RALGAPA2: variants seen among roughly 807,000 people sequenced by gnomAD.
RALGAPA2 encodes ral GTPase-activating protein subunit alpha-2.
RALGAPA2 carries 139 observed loss-of-function variants against 230.4 expected under a neutral mutation model. The ratio of observed to expected loss-of-function variants is 0.60; its 90% CI spans 0.53 to 0.69. The LOEUF (loss-of-function observed/expected upper bound fraction) is 0.69. RALGAPA2 is among the 30% of genes least tolerant of loss of function. The probability of loss-of-function intolerance (pLI) is 0.00; values close to 1 mark genes in which losing one functional copy is unlikely to be tolerated. For synonymous variants in RALGAPA2, 847 were observed against 837.8 expected (o/e 1.01, Z -0.19); for missense variants, 2,163 against 2,276.0 (o/e 0.95, Z 1.01).
rs1166306483 is a variant in RALGAPA2, at chr20:20,605,407, G to A, written c.1806C>T (p.Leu602=). The change falls in exon 15 of 40, where the codon CTC becomes CTT. Residue 602 remains leucine (L), a synonymous_variant. Coordinates refer to ENST00000202677, the MANE Select transcript of RALGAPA2 (RefSeq NM_020343.4). ...GGTTTGCTCGGATCCAAGCTACCAT[G>A]AGCGTCTAAAACCAACCAACCAACA... is the stretch of plus-strand genomic sequence containing the variant. The part of the protein sequence containing the change: ...QSLAGLLFRT[L]MVAWIRANLC... 1.2e-6 allele frequency: 2 copies of A among 1,612,566 alleles called. No homozygotes were observed. Among genetic ancestry groups the A allele is most frequent in the Admixed American group, 1.7e-5 (1 of 59,966 alleles).
intron 36 of RALGAPA2, among the ~76,000 whole-genome samples, chr20:20,492,113 T>C (rs974801637): frequency 6.6e-6 from 1 of 152,184 alleles, no homozygotes; most frequent in Non-Finnish European, 1.5e-5. Flanking sequence ...CCCTACATTA[T>C]TACATACGCT....
chr20:20,483,663 C>G (rs1299045665), intron 36 of RALGAPA2, among the ~76,000 whole-genome samples: 1 of 152,182 alleles, frequency 6.6e-6, no homozygotes, highest in African/African-American at 2.4e-5. Context: ...CCATGTGCAA[C>G]CCCCTAAATC....
intron 23 of RALGAPA2, among the ~76,000 whole-genome samples, chr20:20,557,702 A>G (rs2064126314): frequency 6.6e-6 from 1 of 152,234 alleles, no homozygotes; most frequent in Non-Finnish European, 1.5e-5. Flanking sequence ...AGTAGAAAAA[A>G]TAAGTACGGA....
intron 36 of RALGAPA2, among the ~76,000 whole-genome samples, chr20:20,484,376 C>T (rs2061853833): frequency 6.6e-6 from 1 of 152,108 alleles, no homozygotes; most frequent in Non-Finnish European, 1.5e-5. Flanking sequence ...TCCAGGAACA[C>T]ATAACTCCAT....
chr20:20,420,816 T>TA (rs148670892), intron 37 of RALGAPA2, among the ~76,000 whole-genome samples: 8 of 151,790 alleles, frequency 5.3e-5, no homozygotes, highest in Admixed American at 2.0e-4. Flanking sequence ...TTAAACCTAG[T>TA]AAAAAAAAGA....
At chr20:20,434,332 G>T (rs1385093459) in intron 37 of RALGAPA2, among the ~76,000 whole-genome samples, 2 of 152,066 alleles carry the variant, frequency 1.3e-5, no homozygotes, top group African/African-American at 4.8e-5. Context: ...CAGCAACGAG[G>T]CCTTGGATTT....
chr20:20,544,359 G>A (rs1389856131), intron 24 of RALGAPA2, among the ~76,000 whole-genome samples: 1 of 150,556 alleles, frequency 6.6e-6, no homozygotes, highest in East Asian at 1.9e-4. Context: ...AAAAAAGTCA[G>A]GAAACAACAG....
At chr20:20,563,915 A>G (rs1183740518) in intron 23 of RALGAPA2, among the ~76,000 whole-genome samples, 1 of 152,142 alleles carries the variant, frequency 6.6e-6, no homozygotes, top group Non-Finnish European at 1.5e-5. Flanking sequence ...ATAGACACAC[A>G]CACACACAAA....
chr20:20,450,190 T>C (rs1385239462), intron 37 of RALGAPA2, among the ~76,000 whole-genome samples: 1 of 152,158 alleles, frequency 6.6e-6, no homozygotes, highest in East Asian at 1.9e-4. Flanking sequence ...CTCAACTATT[T>C]CTCAAGGCAA....
chr20:20,454,588 A>G (rs1402486589), intron 37 of RALGAPA2, among the ~76,000 whole-genome samples: 2 of 152,250 alleles, frequency 1.3e-5, no homozygotes, highest in African/African-American at 4.8e-5. Flanking sequence ...GAAGCCAGGT[A>G]AAGAACTGAA....
rs774971166 is a variant in RALGAPA2 at position 20,512,737 on chromosome 20, T to C, written c.4632A>G (p.Glu1544=). ...TCATGCCACATGGGGTTAGGGAAGG[T>C]TCATTTAGATTTAGCTGTGACGGTA... The part of the protein sequence containing the change: ...CLLPSQLNLN[E]PSLTPCGMNY... Residue 1544 remains glutamate, a synonymous_variant, in exon 32 of 40, where the codon GAA becomes GAG. Transcript: ENST00000202677. 8 of 1,613,662 alleles carry C rather than the reference T, an allele frequency of 5.0e-6. No homozygotes were observed. In the African/African-American group the frequency reaches 8.0e-5, roughly 16 times the overall value.
At chr20:20,594,708 C>T (rs138197266) in intron 16 of RALGAPA2, among the ~76,000 whole-genome samples, 6 of 151,624 alleles carry the variant, frequency 4.0e-5, no homozygotes, top group African/African-American at 1.5e-4. Context: ...TACACAATAC[C>T]ATTACTAAAC....
intron 4 of RALGAPA2, among the ~76,000 whole-genome samples, chr20:20,645,883 G>A (rs550111673): frequency 2.6e-5 from 4 of 152,088 alleles, no homozygotes; most frequent in South Asian, 2.1e-4. Context: ...GAACAGTGCC[G>A]GGTATGTGGT....
intron 3 of RALGAPA2, among the ~76,000 whole-genome samples, chr20:20,654,500 T>C (rs2067518689): frequency 6.6e-6 from 1 of 152,238 alleles, no homozygotes. Flanking sequence ...CCATGCAGTA[T>C]CTTTCTGTGC....
At chr20:20,395,633 A>G (rs1312179680) in intron 39 of RALGAPA2, among the ~76,000 whole-genome samples, 2 of 151,992 alleles carry the variant, frequency 1.3e-5, no homozygotes, top group African/African-American at 2.4e-5. Flanking sequence ...GGCTGACACG[A>G]GTGAGCCCAG....
chr20:20,665,818 T>C (rs898656730), intron 3 of RALGAPA2, among the ~76,000 whole-genome samples: 1 of 152,146 alleles, frequency 6.6e-6, no homozygotes, highest in Non-Finnish European at 1.5e-5. Context: ...GTCCTATGTT[T>C]TATTATTTCC....
chr20:20,557,076 G>A (rs576551311), intron 23 of RALGAPA2, among the ~76,000 whole-genome samples: 41 of 152,262 alleles, frequency 2.7e-4, no homozygotes, highest in South Asian at 4.1e-4. Flanking sequence ...TTGGGAGGCC[G>A]AGGTGGGTGG....
intron 37 of RALGAPA2, among the ~76,000 whole-genome samples, chr20:20,432,590 C>T (rs1200829650): frequency 6.6e-6 from 1 of 152,142 alleles, no homozygotes; most frequent in African/African-American, 2.4e-5. Flanking sequence ...TTCCTTAGAA[C>T]ATCTTGATGT....
In RALGAPA2 at chr20:20,524,650, T is replaced by A. The variant is rs964337670; in HGVS notation, c.3763-107A>T. 15 of 1,447,510 alleles carry A rather than the reference T, an allele frequency of 1.0e-5. No individual in the cohort carries two copies. The African/African-American group carries it at 2.0e-4, about 19-fold the overall frequency. The allele number at this position is 1,447,510 out of a possible 1,614,324, so 89.7% of individuals were successfully genotyped here. A position where few individuals can be genotyped will look rare whatever the true frequency, so the allele number is the denominator to read the frequency against. ...ACCCAGTATTCAGTGGACATGCAGG[T>A]GCTAGATAAGTAGGTAAGTAAATAA... On this transcript the variant is annotated intron_variant, in intron 29 of 39. Transcript: ENST00000202677.
Sources: allele counts gnomAD v4.1 joint callset (sites outside exome capture counted in the v4.1 genomes callset), GRCh38; gene constraint gnomAD v4.1.1; transcripts MANE v1.5; gene names NCBI Gene and HGNC (gene_info 2026-07-23, HGNC 2026-07-21).